MESD: variants seen among roughly 807,000 people sequenced by gnomAD.
MESD encodes mesoderm development LRP chaperone.
MESD carries 7 observed loss-of-function variants against 12.9 expected under a neutral mutation model. The ratio of observed to expected loss-of-function variants is 0.54; its 90% CI spans 0.31 to 1.02. The LOEUF is 1.02. Ranked by LOEUF, MESD falls within the 50% of genes least tolerant of loss-of-function variation. The probability of loss-of-function intolerance (pLI) is 0.05; values close to 1 mark genes in which losing one functional copy is unlikely to be tolerated. For synonymous variants in MESD, 126 were observed against 115.6 expected, an observed-to-expected ratio of 1.09 and a Z score of -0.58; for missense variants, 342 against 296.7, an observed-to-expected ratio of 1.15 and a Z score of -1.12.
intron 3 of MESD, among the ~76,000 whole-genome samples, chr15:80,969,218 G>C (rs1417606024): frequency 6.6e-6 from 1 of 152,098 alleles, no homozygotes; most frequent in Admixed American, 6.6e-5. Context: ...ATGAAATAAA[G>C]TATGTAAAGA....
chr15:80,970,383 T>C (rs918684289), intron 3 of MESD: 2 of 152,228 alleles, frequency 1.3e-5, no homozygotes, highest in Admixed American at 6.5e-5. Context: ...CTTCACTTAA[T>C]AGGGGTCTTA....
chr15:80,982,794 A>G (rs1902615302), intron 1 of MESD, among the ~76,000 whole-genome samples: 1 of 152,168 alleles, frequency 6.6e-6, no homozygotes, highest in Non-Finnish European at 1.5e-5. Flanking sequence ...ATCAAAATTT[A>G]TTGCAGGCCA....
At position 80,956,392 on chromosome 15, in the gene MESD, T is replaced by C. The variant is rs140292773; in HGVS notation, c.*289-4096A>G. On this transcript the variant is annotated intron_variant, in intron 3 of 4. Coordinates refer to the MESD transcript ENST00000561312. ...TTCCCCGGTCTCCACACACTAATTA[T>C]TGAAGACAAGGAACATGTCTACAGA... Among the ~76,000 whole-genome samples, 7 of 152,262 alleles carry C rather than the reference T, an allele frequency of 4.6e-5. 1 individual carries two copies. The highest frequency in any genetic ancestry group is 1.2e-4 in the African/African-American group (5 of 41,544).
At chr15:80,975,145 G>A (rs1318481140), downstream of MESD, among the ~76,000 whole-genome samples, 2 of 150,978 alleles carry the variant, frequency 1.3e-5, no homozygotes, top group African/African-American at 4.9e-5. Context: ...TGAATCGGAG[G>A]CCGAGGCAGG....
rs1304625450 is a variant in MESD at position 80,978,030 on chromosome 15, A to T, written c.*1189T>A. 6.6e-6 allele frequency: 1 copy of T among 152,202 alleles called. No homozygotes were observed. The highest frequency in any genetic ancestry group is 6.5e-5 in the Admixed American group (1 of 15,282). 9.4% of individuals were successfully genotyped at this position (152,202 alleles called of 1,614,324 possible). A position where few individuals can be genotyped will look rare whatever the true frequency, so the allele number is the denominator to read the frequency against. ...GAGGCCAAAACAAACATACATCACC[A>T]TAAGTACATTTACATAAGTAAATGT... is the stretch of plus-strand genomic sequence containing the variant. On this transcript the variant is annotated 3_prime_UTR_variant, in exon 3 of 3. Transcript: ENST00000261758.
chr15:80,952,552 TCTC>T (rs1901868176), intron 3 of MESD, among the ~76,000 whole-genome samples: 1 of 152,160 alleles, frequency 6.6e-6, no homozygotes, highest in Admixed American at 6.5e-5. Flanking sequence ...AGAGAGTTCT[TCTC>T]TTGATTTCCA....
intron 3 of MESD, among the ~76,000 whole-genome samples, chr15:80,955,501 A>AAAAAAAAC (rs1184316440): frequency 1.3e-4 from 20 of 148,828 alleles, no homozygotes; most frequent in African/African-American, 5.1e-4. Flanking sequence ...AAAAAAAAAA[A>AAAAAAAAC]AAAAGAAATG....
chr15:80,958,857 C>G (rs1902034437), intron 3 of MESD, among the ~76,000 whole-genome samples: 1 of 152,144 alleles, frequency 6.6e-6, no homozygotes, highest in South Asian at 2.1e-4. Context: ...TGACAGTTAC[C>G]CCCATATTCT....
At position 80,955,579 on chromosome 15, in the gene MESD, T is replaced by A. The variant is rs552945896; in HGVS notation, c.*289-3283A>T. Among the ~76,000 whole-genome samples the A allele has an allele frequency of 8.6e-5, 13 of 151,680 alleles. 1 individual carries two copies. The South Asian group carries it at 2.7e-3, about 32-fold the overall frequency. On this transcript the variant is annotated intron_variant, in intron 3 of 4. Transcript: ENST00000561312. ...ATTTTAAGAAGGGACCCAGGGTAGT[T>A]GTTTGCACAGTAAAGTTTGAGAAGT... is the stretch of plus-strand genomic sequence containing the variant.
downstream of MESD, chr15:80,947,237 T>C (rs925964988): frequency 9.9e-6 from 6 of 607,254 alleles, no homozygotes; most frequent in Middle Eastern, 6.1e-4. Context: ...ATGGGCAAGA[T>C]GCCACCTGTT....
At chr15:80,949,022 C>A in intron 4 of MESD, 4 of 1,524,878 alleles carry the variant, frequency 2.6e-6, no homozygotes, top group Non-Finnish European at 2.7e-6. Flanking sequence ...CCCCTGCCAG[C>A]AGCTGCCTGG....
intron 4 of MESD, chr15:80,949,024 G>C: frequency 6.6e-7 from 1 of 1,521,520 alleles, no homozygotes; most frequent in Non-Finnish European, 9.1e-7. Context: ...CCTGCCAGCA[G>C]CTGCCTGGGA....
intron 2 of MESD, among the ~76,000 whole-genome samples, chr15:80,979,965 T>G (rs910800734): frequency 7.2e-5 from 11 of 152,258 alleles, no homozygotes; most frequent in African/African-American, 2.7e-4. Context: ...CACTTGGTTG[T>G]TGGACAAAAA....
At chr15:80,949,028 C>A in intron 4 of MESD, 1 of 1,481,646 alleles carries the variant, frequency 6.7e-7, no homozygotes, top group Non-Finnish European at 9.4e-7. Context: ...CCAGCAGCTG[C>A]CTGGGAAGGC....
Position 80,976,914 on chromosome 15 carries a change from A to G in MESD, c.*2305T>C, listed in dbSNP as rs1190543539. 2 of 152,232 alleles carry G rather than the reference A, an allele frequency of 1.3e-5. No homozygotes were observed. Among genetic ancestry groups the G allele is most frequent in the African/African-American group, 2.4e-5 (1 of 41,392 alleles). The allele number at this position is 152,232 out of a possible 1,614,324, so 9.4% of individuals were successfully genotyped here. A position where few individuals can be genotyped will look rare whatever the true frequency, so the allele number is the denominator to read the frequency against. On this transcript the variant is annotated 3_prime_UTR_variant, in exon 3 of 3. Coordinates refer to ENST00000261758, the MANE Select transcript of MESD (RefSeq NM_015154.3). ...CAGCTATGGCCTGCACTACTGAAGCACCTCCCAGCTCACGGCTCACACCTG... is the reference window on the plus strand; with the variant it reads ...CAGCTATGGCCTGCACTACTGAAGCGCCTCCCAGCTCACGGCTCACACCTG...
chr15:80,978,918 G>A lies in MESD; in HGVS notation c.*301C>T, dbSNP rs558797737. On this transcript the variant is annotated 3_prime_UTR_variant, in exon 3 of 3. Coordinates refer to ENST00000261758, the MANE Select transcript of MESD (RefSeq NM_015154.3). ...TGGAGGGGAGTGGAATCTCAGTAGA[G>A]TTGATGACTCACCAAGTGTAAATGG... 1.5e-4 allele frequency: 64 copies of A among 422,726 alleles called. No individual in the cohort carries two copies. The highest frequency in any genetic ancestry group is 1.2e-3 in the African/African-American group (61 of 50,248). 26.2% of individuals were successfully genotyped at this position (422,726 alleles called of 1,614,324 possible).
Position 80,976,969 on chromosome 15 carries a change from T to C in MESD, c.*2250A>G, listed in dbSNP as rs888170324. ...GGTCCTCTTCTGATCACTTCTCCTGTGCAACCAGTGCAACCTGGACTGCCT... is the reference window on the plus strand; with the variant it reads ...GGTCCTCTTCTGATCACTTCTCCTGCGCAACCAGTGCAACCTGGACTGCCT... On this transcript the variant is annotated 3_prime_UTR_variant, in exon 3 of 3. Coordinates refer to ENST00000261758, the MANE Select transcript of MESD (RefSeq NM_015154.3). 6.6e-6 allele frequency: 1 copy of C among 152,604 alleles called. No homozygotes were observed. The highest frequency in any genetic ancestry group is 1.5e-5 in the Non-Finnish European group (1 of 68,270). 9.5% of individuals were successfully genotyped at this position (152,604 alleles called of 1,614,324 possible).
intron 1 of MESD, among the ~76,000 whole-genome samples, chr15:80,982,738 G>A (rs1448521011): frequency 1.3e-5 from 2 of 152,158 alleles, no homozygotes; most frequent in Non-Finnish European, 1.5e-5. Context: ...TGATGAAAAT[G>A]TTCTACATTT....
At chr15:80,959,676 C>T (rs527617749) in intron 3 of MESD, among the ~76,000 whole-genome samples, 1 of 152,284 alleles carries the variant, frequency 6.6e-6, no homozygotes, top group East Asian at 1.9e-4. Context: ...ATTTTTAACC[C>T]CTCTTCTTCC....
Sources: allele counts gnomAD v4.1 joint callset (sites outside exome capture counted in the v4.1 genomes callset), GRCh38; gene constraint gnomAD v4.1.1; transcripts MANE v1.5; gene names NCBI Gene and HGNC (gene_info 2026-07-23, HGNC 2026-07-21).